The following SPPL3 variants were observed in gnomAD, a reference collection of about 807,000 sequenced individuals.
The protein encoded by SPPL3 is signal peptide peptidase like 3.
A neutral mutation model predicts 42.4 loss-of-function variants in SPPL3; 5 were observed. The observed-to-expected ratio is 0.12, with a 90% CI of 0.06 to 0.25. The LOEUF (loss-of-function observed/expected upper bound fraction) is 0.25. Ranked by LOEUF, SPPL3 falls within the 10% of genes least tolerant of loss-of-function variation. The pLI is 1.00. For missense variants in SPPL3, 235 were observed against 489.0 expected (o/e 0.48, Z 4.90); for synonymous variants, 195 against 181.8 (o/e 1.07, Z -0.58).
At chr12:120,831,381 C>T (rs538811620) in intron 1 of SPPL3, among the ~76,000 whole-genome samples, 2 of 152,300 alleles carry the variant, frequency 1.3e-5, no homozygotes, top group African/African-American at 4.8e-5. Context: ...TCCTCCAGCA[C>T]TCACCCCAAA....
At chr12:120,835,187 A>ACTAAATGTCTGTAAAAT (rs773155839) in intron 1 of SPPL3, among the ~76,000 whole-genome samples, 150 of 152,336 alleles carry the variant, frequency 9.8e-4, no homozygotes, top group Middle Eastern at 3.4e-3. Context: ...GACAGTGCAT[A>ACTAAATGTCTGTAAAAT]CTAAATGTCT....
intron 1 of SPPL3, among the ~76,000 whole-genome samples, chr12:120,832,448 GATC>G (rs1156364541): frequency 6.6e-6 from 1 of 152,150 alleles, no homozygotes; most frequent in East Asian, 1.9e-4. Flanking sequence ...AAGGTGGGCG[GATC>G]ACCTGAGGTC....
intron 1 of SPPL3, among the ~76,000 whole-genome samples, chr12:120,855,622 G>A (rs1054013782): frequency 6.6e-6 from 1 of 151,826 alleles, no homozygotes; most frequent in Non-Finnish European, 1.5e-5. Flanking sequence ...GGGAGATGGT[G>A]GTTACAGTGA....
chr12:120,848,576 T>C (rs1872122210), intron 1 of SPPL3, among the ~76,000 whole-genome samples: 1 of 152,226 alleles, frequency 6.6e-6, no homozygotes, highest in East Asian at 1.9e-4. Flanking sequence ...ACAAGTATTA[T>C]TTTAGAATTG....
intron 1 of SPPL3, among the ~76,000 whole-genome samples, chr12:120,898,314 TAAAA>T (rs869283065): frequency 0.031 from 1,971 of 64,560 alleles, 55 homozygotes; most frequent in Non-Finnish European, 0.044. Context: ...TTTTTTTTTT[TAAAA>T]AAAAAAAAAA....
intron 1 of SPPL3, among the ~76,000 whole-genome samples, chr12:120,867,392 C>T (rs1189518695): frequency 3.3e-5 from 5 of 152,076 alleles, no homozygotes; most frequent in South Asian, 2.1e-4. Context: ...TGTAGCTGGG[C>T]GCGGTGGCTC....
chr12:120,855,001 G>A (rs1361986764), intron 1 of SPPL3, among the ~76,000 whole-genome samples: 1 of 152,156 alleles, frequency 6.6e-6, no homozygotes, highest in Non-Finnish European at 1.5e-5. Context: ...ACAAGGGGCA[G>A]GGAAGGGACA....
chr12:120,790,654 G>T (rs1475525093), intron 3 of SPPL3, among the ~76,000 whole-genome samples: 1 of 152,042 alleles, frequency 6.6e-6, no homozygotes, highest in Non-Finnish European at 1.5e-5. Flanking sequence ...CTGACTTGCG[G>T]GTCTCTTTAT....
At chr12:120,893,587 C>T (rs753561408) in intron 1 of SPPL3, among the ~76,000 whole-genome samples, 5 of 152,090 alleles carry the variant, frequency 3.3e-5, no homozygotes, top group Non-Finnish European at 7.3e-5. Flanking sequence ...GGGCTTCCAC[C>T]CCCACTACTC....
At chr12:120,778,409 G>A (rs1015725798) in intron 6 of SPPL3, among the ~76,000 whole-genome samples, 3 of 151,900 alleles carry the variant, frequency 2.0e-5, no homozygotes, top group Non-Finnish European at 4.4e-5. Flanking sequence ...GAGCCACCGC[G>A]CCCGGCCTGA....
chr12:120,845,894 CTAT>C (rs1872018934), intron 1 of SPPL3, among the ~76,000 whole-genome samples: 1 of 151,188 alleles, frequency 6.6e-6, no homozygotes, highest in Non-Finnish European at 1.5e-5. Flanking sequence ...ATCTATCTAT[CTAT>C]CTATCTATCT....
At position 120,854,704 on chromosome 12, in the gene SPPL3, C is replaced by A. The variant is rs185921704; in HGVS notation, c.24-43818G>T. On this transcript the variant is annotated intron_variant, in intron 1 of 10. Coordinates refer to ENST00000353487, the MANE Select transcript of SPPL3 (RefSeq NM_139015.5). ...CAATTGGGTCTAAAATTCAGTCAGC[C>A]TGAATGCCCCAAAGTCTAAGGAAGC... Among the ~76,000 whole-genome samples the A allele has an allele frequency of 6.9e-4, 105 of 152,254 alleles. 1 individual carries two copies. Among genetic ancestry groups the A allele is most frequent in the African/African-American group, 2.5e-3 (103 of 41,548 alleles).
chr12:120,829,452 C>A (rs1871328239), intron 1 of SPPL3, among the ~76,000 whole-genome samples: 2 of 151,934 alleles, frequency 1.3e-5, no homozygotes, highest in South Asian at 4.2e-4. Context: ...AAAAATTAGC[C>A]CGGCATGATG....
intron 2 of SPPL3, among the ~76,000 whole-genome samples, chr12:120,801,629 C>T (rs138608666): frequency 6.6e-6 from 1 of 152,140 alleles, no homozygotes; most frequent in African/African-American, 2.4e-5. Flanking sequence ...GTATATACTG[C>T]TTTTTTCTCA....
chr12:120,774,394 T>C (rs1215244048), intron 6 of SPPL3, among the ~76,000 whole-genome samples: 1 of 152,184 alleles, frequency 6.6e-6, no homozygotes, highest in Non-Finnish European at 1.5e-5. Flanking sequence ...ATTATAAAGT[T>C]GCATAAACTC....
intron 1 of SPPL3, among the ~76,000 whole-genome samples, chr12:120,828,517 A>T (rs1871297384): frequency 6.6e-6 from 1 of 152,234 alleles, no homozygotes; most frequent in South Asian, 2.1e-4. Context: ...TTTCTGCAGA[A>T]ATCCATCGGC....
At chr12:120,844,806 G>A (rs1871963966) in intron 1 of SPPL3, among the ~76,000 whole-genome samples, 1 of 151,528 alleles carries the variant, frequency 6.6e-6, no homozygotes, top group Non-Finnish European at 1.5e-5. Context: ...CGGAGGCCAA[G>A]GGCCCACGGG....
intron 1 of SPPL3, among the ~76,000 whole-genome samples, chr12:120,848,291 C>T (rs1811744908): frequency 6.6e-6 from 1 of 152,162 alleles, no homozygotes; most frequent in South Asian, 2.1e-4. Context: ...CAGGATATAT[C>T]TCAAGGAGTC....
chr12:120,803,169 G>C (rs1870379087), intron 2 of SPPL3, among the ~76,000 whole-genome samples: 1 of 152,142 alleles, frequency 6.6e-6, no homozygotes, highest in Non-Finnish European at 1.5e-5. Flanking sequence ...CTGCTACAAA[G>C]CTTATGGTGG....
Sources: gnomAD v4.1 joint callset for allele counts (sites outside exome capture counted in the v4.1 genomes callset) on GRCh38, gnomAD v4.1.1 for gene constraint, MANE v1.5 for transcripts, NCBI Gene and HGNC (gene_info 2026-07-23, HGNC 2026-07-21) for gene names.